The following DUX4 variants were observed in gnomAD, a reference collection of about 807,000 sequenced individuals.
The protein encoded by DUX4 is double homeobox 4.
rs1220248059 is a variant in DUX4, at chr4:190,175,827, C to T, written c.*417C>T. The stretch of plus-strand genomic sequence containing the variant: ...GTTCAGAGATATATTAAAATGCCCC[C>T]TCCCTGTGGATCCTATAGAAGATTT... On this transcript the variant is annotated 3_prime_UTR_variant, in exon 2 of 2. Transcript: ENST00000565211. The T allele has an allele frequency of 3.4e-5, 5 of 148,108 alleles. 1 individual carries two copies. Among genetic ancestry groups the T allele is most frequent in the African/African-American group, 1.3e-4 (5 of 38,338 alleles). The allele number at this position is 148,108 out of a possible 1,614,324, so 9.2% of individuals were successfully genotyped here.
intron 1 of DUX4, chr4:190,183,145 G>T (rs1417576908): frequency 1.5e-5 from 1 of 68,324 alleles, no homozygotes; most frequent in African/African-American, 3.2e-5. Flanking sequence ...TTAGGATTGG[G>T]GTTAGGTTTA....
chr4:190,179,564 AGT>A (rs1742503831), downstream of DUX4, among the ~76,000 whole-genome samples: 1 of 152,280 alleles, frequency 6.6e-6, no homozygotes, highest in Non-Finnish European at 1.5e-5. Context: ...TGATCAGTGC[AGT>A]GATATGTCAC....
At chr4:190,180,169 C>T (rs2126581310), downstream of DUX4, among the ~76,000 whole-genome samples, 1 of 77,686 alleles carries the variant, frequency 1.3e-5, no homozygotes, top group African/African-American at 4.7e-5. Flanking sequence ...CCTGGGTGAT[C>T]AGTGCAGAGT....
downstream of DUX4, among the ~76,000 whole-genome samples, chr4:190,176,800 C>G (rs1178256278): frequency 1.5e-3 from 143 of 95,962 alleles, 2 homozygotes; most frequent in South Asian, 2.9e-3. Flanking sequence ...AGTGCCTAGA[C>G]AAGAGTTGAA....
At chr4:190,176,735 G>C (rs1171829096), downstream of DUX4, among the ~76,000 whole-genome samples, 15 of 93,728 alleles carry the variant, frequency 1.6e-4, no homozygotes, top group African/African-American at 1.8e-4. Context: ...TCTAAGACAA[G>C]CGTCCATCAC....
At chr4:190,182,038 G>A (rs1430463360) in intron 1 of DUX4, 1 of 105,966 alleles carries the variant, frequency 9.4e-6, no homozygotes, top group African/African-American at 2.7e-5. Flanking sequence ...CTATCACAGT[G>A]CCCCCATAGG....
rs1463909268 is a variant in DUX4 at position 190,183,408 on chromosome 4, C to T, written n.93-1933C>T. ...CTTCACTGCCTCATACTGTTGTTGA[C>T]CTTGAAACCTTCTTTTGGTCTAGTT... On this transcript the variant is annotated intron_variant and non_coding_transcript_variant, in intron 1 of 2. Transcript: ENST00000563716. 7 of 100,692 alleles carry T rather than the reference C, an allele frequency of 7.0e-5. No homozygotes were observed. The East Asian group carries it at 2.3e-3, about 34-fold the overall frequency. 6.2% of individuals were successfully genotyped at this position (100,692 alleles called of 1,614,324 possible). A position where few individuals can be genotyped will look rare whatever the true frequency, so the allele number is the denominator to read the frequency against.
chr4:190,177,112 T>A (rs1742342216), downstream of DUX4, among the ~76,000 whole-genome samples: 23 of 140,550 alleles, frequency 1.6e-4, no homozygotes, highest in South Asian at 4.8e-4. Context: ...TGCAGAGATA[T>A]TTCACAATGT....
downstream of DUX4, among the ~76,000 whole-genome samples, chr4:190,178,220 CT>C (rs1742411360): frequency 6.6e-6 from 1 of 151,050 alleles, no homozygotes. Context: ...ACAATGCCCC[CT>C]GTAGGCAGAG....
chr4:190,176,501 G>A (rs1742309545), downstream of DUX4, among the ~76,000 whole-genome samples: 2 of 102,314 alleles, frequency 2.0e-5, 1 homozygote, highest in Non-Finnish European at 4.6e-5. Flanking sequence ...AGATATGTGA[G>A]AATTCCCGTG....
downstream of DUX4, among the ~76,000 whole-genome samples, chr4:190,179,038 C>CTAAAAGTTAA (rs1742473669): frequency 6.3e-5 from 1 of 15,786 alleles, no homozygotes; most frequent in Non-Finnish European, 1.4e-4. Flanking sequence ...CACAAAGTCC[C>CTAAAAGTTAA]TTTAGGCAGA....
chr4:190,177,461 AAGC>A (rs1742368822), downstream of DUX4, among the ~76,000 whole-genome samples: 4 of 151,342 alleles, frequency 2.6e-5, no homozygotes, highest in South Asian at 4.2e-4. Context: ...ATATGTCACA[AAGC>A]CCCCTGTAGA....
downstream of DUX4, among the ~76,000 whole-genome samples, chr4:190,179,732 C>A (rs1742508877): frequency 3.9e-5 from 6 of 152,354 alleles, no homozygotes; most frequent in South Asian, 2.1e-4. Flanking sequence ...TGGGCACAGC[C>A]TAGACAAGAG....
At chr4:190,177,925 G>A (rs1579833497), downstream of DUX4, among the ~76,000 whole-genome samples, 6 of 149,124 alleles carry the variant, frequency 4.0e-5, no homozygotes, top group East Asian at 1.0e-3. Flanking sequence ...GATCAGTGTG[G>A]AGATATGTCA....
At chr4:190,178,130 A>G (rs1579833850), downstream of DUX4, among the ~76,000 whole-genome samples, 82 of 150,634 alleles carry the variant, frequency 5.4e-4, no homozygotes, top group South Asian at 1.9e-3. Flanking sequence ...TGATCCGTAC[A>G]GAGTGATGTC....
chr4:190,182,265 G>A (rs1275454556), intron 1 of DUX4: 1 of 86,296 alleles, frequency 1.2e-5, no homozygotes, highest in Non-Finnish European at 3.0e-5. Context: ...TTAGGTTTAG[G>A]GTTAGGGTTA....
downstream of DUX4, among the ~76,000 whole-genome samples, chr4:190,178,804 G>T (rs1579834737): frequency 4.6e-4 from 69 of 148,974 alleles, no homozygotes; most frequent in South Asian, 1.1e-3. Flanking sequence ...CATCACTTGG[G>T]TGATCAGTGG....
At chr4:190,177,053 C>CG (rs1742339059), downstream of DUX4, among the ~76,000 whole-genome samples, 1 of 35,638 alleles carries the variant, frequency 2.8e-5, no homozygotes. Flanking sequence ...TGTCACAAAT[C>CG]CCCCTCTAGG....
downstream of DUX4, among the ~76,000 whole-genome samples, chr4:190,176,244 C>G (rs1348803667): frequency 8.8e-6 from 1 of 113,676 alleles, no homozygotes; most frequent in Non-Finnish European, 2.1e-5. Flanking sequence ...CCCCTGTAGA[C>G]AAAGCCCAGA....
Sources: gnomAD v4.1 joint callset for allele counts (sites outside exome capture counted in the v4.1 genomes callset) on GRCh38, gnomAD v4.1.1 for gene constraint, MANE v1.5 for transcripts, NCBI Gene and HGNC (gene_info 2026-07-23, HGNC 2026-07-21) for gene names.